Variants in KIAA1217 observed in about 807,000 individuals in gnomAD.
KIAA1217 encodes the protein sickle tail protein homolog.
KIAA1217 carries 88 observed loss-of-function variants against 163.9 expected under a neutral mutation model. The ratio of observed to expected loss-of-function variants is 0.54; its 90% confidence interval spans 0.45 to 0.64. The LOEUF (loss-of-function observed/expected upper bound fraction) is 0.64. KIAA1217 is among the 30% of genes least tolerant of loss of function. The pLI is 0.00. For missense variants in KIAA1217, 2,372 were observed against 2,475.0 expected, an observed-to-expected ratio of 0.96 and a Z score of 0.88; for synonymous variants, 903 against 923.1, an observed-to-expected ratio of 0.98 and a Z score of 0.39.
intron 1 of KIAA1217, among the ~76,000 whole-genome samples, chr10:24,004,746 C>G (rs1208753640): frequency 2.0e-5 from 3 of 152,232 alleles, no homozygotes; most frequent in African/African-American, 7.2e-5. Flanking sequence ...CTTCTTCTCT[C>G]TCACATGCAG....
chr10:24,377,519 T>G (rs1032252584), intron 2 of KIAA1217, among the ~76,000 whole-genome samples: 10 of 152,158 alleles, frequency 6.6e-5, no homozygotes, highest in Admixed American at 6.5e-4. Context: ...ACATAAAGAA[T>G]TTTTCACTAG....
At chr10:24,220,984 C>G (rs2069560949) in intron 2 of KIAA1217, among the ~76,000 whole-genome samples, 1 of 152,124 alleles carries the variant, frequency 6.6e-6, no homozygotes, top group South Asian at 2.1e-4. Context: ...TGGTCTTGAA[C>G]TCCTGGCCTC....
chr10:23,895,562 G>A (rs569048867), intron 1 of KIAA1217, among the ~76,000 whole-genome samples: 34 of 152,146 alleles, frequency 2.2e-4, no homozygotes, highest in Non-Finnish European at 4.1e-4. Flanking sequence ...AACTAGTTCA[G>A]CCATTGTGGA....
At chr10:23,928,030 G>A (rs1221546850) in intron 1 of KIAA1217, among the ~76,000 whole-genome samples, 1 of 152,170 alleles carries the variant, frequency 6.6e-6, no homozygotes, top group Non-Finnish European at 1.5e-5. Flanking sequence ...CTGCTGGCAG[G>A]GTACTTGATA....
At chr10:23,776,305 AT>A (rs1189288300) in intron 1 of KIAA1217, among the ~76,000 whole-genome samples, 2 of 150,496 alleles carry the variant, frequency 1.3e-5, no homozygotes, top group Non-Finnish European at 2.9e-5. Flanking sequence ...AATTTAGTCA[AT>A]GTTAAATAAA....
intron 1 of KIAA1217, among the ~76,000 whole-genome samples, chr10:23,844,738 A>C (rs1046080987): frequency 1.4e-4 from 21 of 150,666 alleles, no homozygotes; most frequent in African/African-American, 5.1e-4. Context: ...CTCAACGTTT[A>C]ATTTTTTTAT....
intron 1 of KIAA1217, among the ~76,000 whole-genome samples, chr10:23,930,565 A>C (rs1843216284): frequency 6.6e-6 from 1 of 152,186 alleles, no homozygotes; most frequent in Non-Finnish European, 1.5e-5. Flanking sequence ...CAGATATACT[A>C]GCAAGATAAT....
chr10:24,444,793 G>A (rs1456279166), intron 5 of KIAA1217, among the ~76,000 whole-genome samples: 1 of 152,072 alleles, frequency 6.6e-6, no homozygotes, highest in East Asian at 1.9e-4. Context: ...CCCTCTTTGT[G>A]TTGCTACTCT....
At chr10:23,993,323 C>T (rs562029628) in intron 1 of KIAA1217, among the ~76,000 whole-genome samples, 3 of 151,856 alleles carry the variant, frequency 2.0e-5, no homozygotes, top group Non-Finnish European at 4.4e-5. Context: ...TGAGCCACTG[C>T]GCCCAGCCTG....
intron 1 of KIAA1217, among the ~76,000 whole-genome samples, chr10:23,727,484 TG>T (rs1174786561): frequency 6.6e-6 from 1 of 151,936 alleles, no homozygotes; most frequent in Non-Finnish European, 1.5e-5. Context: ...CACTTGAACC[TG>T]GGAGGTGGAG....
chr10:23,828,014 A>G (rs1218930887), intron 1 of KIAA1217, among the ~76,000 whole-genome samples: 1 of 152,180 alleles, frequency 6.6e-6, no homozygotes, highest in Non-Finnish European at 1.5e-5. Flanking sequence ...TGTTGTGGAG[A>G]ATTGAGCCAG....
rs747875827 is a variant in KIAA1217 at position 24,543,257 on chromosome 10, C to T, written c.3987C>T (p.Ser1329=). ...CTCACACTAGACTAACAGAATCAAG[C>T]GTGCATGATTTTAAAACAGAAGATC... ...VSSHTRLTES[S]VHDFKTEDQE... Residue 1329 remains serine, a synonymous_variant, in exon 19 of 21, where the codon AGC becomes AGT. Coordinates refer to ENST00000376454, the MANE Select transcript of KIAA1217 (RefSeq NM_019590.5). 1.1e-5 allele frequency: 18 copies of T among 1,613,548 alleles called. No homozygotes were observed. Among genetic ancestry groups the T allele is most frequent in the Non-Finnish European group, 1.4e-5 (16 of 1,179,994 alleles).
chr10:24,298,252 G>T (rs1287660610), intron 2 of KIAA1217, among the ~76,000 whole-genome samples: 1 of 151,832 alleles, frequency 6.6e-6, no homozygotes, highest in Non-Finnish European at 1.5e-5. Flanking sequence ...TTGTACCTGA[G>T]CATTTGTATA....
At chr10:24,171,929 G>T (rs1018587986) in intron 2 of KIAA1217, among the ~76,000 whole-genome samples, 2 of 152,172 alleles carry the variant, frequency 1.3e-5, no homozygotes, top group Non-Finnish European at 2.9e-5. Context: ...GTAGGGAGGA[G>T]TTTACACACA....
At chr10:24,471,357 A>AGAAT (rs1454963794) in intron 5 of KIAA1217, among the ~76,000 whole-genome samples, 1 of 152,154 alleles carries the variant, frequency 6.6e-6, no homozygotes, top group Non-Finnish European at 1.5e-5. Flanking sequence ...TAGAACTTGA[A>AGAAT]GAATGGATGG....
At chr10:23,993,621 T>C (rs752232363) in intron 1 of KIAA1217, among the ~76,000 whole-genome samples, 36 of 141,616 alleles carry the variant, frequency 2.5e-4, no homozygotes, top group African/African-American at 8.7e-4. Context: ...AGTGGCATGA[T>C]CTCAGCTCAC....
intron 1 of KIAA1217, among the ~76,000 whole-genome samples, chr10:23,833,291 G>A (rs1037633019): frequency 1.3e-5 from 2 of 152,040 alleles, no homozygotes; most frequent in Non-Finnish European, 2.9e-5. Context: ...ATTGCCTCAA[G>A]CTTCATCCCC....
At chr10:24,384,018 C>T in intron 3 of KIAA1217, among the ~76,000 whole-genome samples, 1 of 152,202 alleles carries the variant, frequency 6.6e-6, no homozygotes, top group East Asian at 1.9e-4. Flanking sequence ...CAGTGCTCCC[C>T]AGAGAGCCCC....
intron 2 of KIAA1217, among the ~76,000 whole-genome samples, chr10:24,301,658 A>G (rs2041354979): frequency 6.6e-6 from 1 of 152,156 alleles, no homozygotes; most frequent in Non-Finnish European, 1.5e-5. Context: ...TCCAAGAAGG[A>G]CTTTGCTTGC....
Sources: allele counts gnomAD v4.1 joint callset (sites outside exome capture counted in the v4.1 genomes callset), GRCh38; gene constraint gnomAD v4.1.1; transcripts MANE v1.5; gene names NCBI Gene and HGNC (gene_info 2026-07-23, HGNC 2026-07-21).